Variants in MAPK6 observed in about 807,000 individuals in gnomAD.
The protein encoded by MAPK6 is ERK-3.
A neutral mutation model predicts 59.3 loss-of-function variants in MAPK6; 19 were observed. The ratio of observed to expected loss-of-function variants is 0.32; its 90% confidence interval spans 0.22 to 0.47. The LOEUF (loss-of-function observed/expected upper bound fraction) is 0.47, where lower values mean the gene tolerates loss of function less well. Among genes scored for constraint, MAPK6 ranks in the 20% least tolerant of loss-of-function variants. MAPK6 has a pLI of 1.00. For missense variants in MAPK6, 724 were observed against 847.9 expected (o/e 0.85, Z 1.81); for synonymous variants, 316 against 290.3 (o/e 1.09, Z -0.90).
chr15:51,971,992 CG>C (rs2057129799), intron 1 of MAPK6, among the ~76,000 whole-genome samples: 1 of 150,778 alleles, frequency 6.6e-6, no homozygotes, highest in Admixed American at 6.6e-5. Context: ...GTCCTGCGTT[CG>C]GTTGCGGGTG....
At chr15:52,016,781 C>T (rs1420767254), upstream of MAPK6, among the ~76,000 whole-genome samples, 5 of 152,188 alleles carry the variant, frequency 3.3e-5, no homozygotes, top group African/African-American at 1.2e-4. Context: ...TGTGGTGGCT[C>T]ATGCCTGTAA....
intron 1 of MAPK6, among the ~76,000 whole-genome samples, chr15:52,038,776 T>C (rs147552461): frequency 8.5e-5 from 13 of 152,292 alleles, no homozygotes; most frequent in African/African-American, 2.9e-4. Context: ...TCAAGCGTTA[T>C]TATAATTATT....
chr15:52,065,050 C>T lies in MAPK6; in HGVS notation c.*50C>T, dbSNP rs373807466. 37 of 1,494,654 alleles carry T rather than the reference C, an allele frequency of 2.5e-5. No individual in the cohort carries two copies. In the South Asian group the frequency reaches 5.1e-4, roughly 20 times the overall value. 92.6% of individuals were successfully genotyped at this position (1,494,654 alleles called of 1,614,324 possible). A position where few individuals can be genotyped will look rare whatever the true frequency, so the allele number is the denominator to read the frequency against. On this transcript the variant is annotated 3_prime_UTR_variant, in exon 6 of 6. Transcript: ENST00000261845. ...GTATTCTTCATGAAATGTGTTTTGT[C>T]TTTTTTTATTACTAGTGTTTAAGTC... is the stretch of plus-strand genomic sequence containing the variant.
At chr15:51,990,213 G>A (rs542754705) in intron 2 of MAPK6, among the ~76,000 whole-genome samples, 1 of 152,288 alleles carries the variant, frequency 6.6e-6, no homozygotes, top group African/African-American at 2.4e-5. Flanking sequence ...ATGATTTAGT[G>A]CAAAAGGTTG....
intron 3 of MAPK6, among the ~76,000 whole-genome samples, chr15:52,052,096 T>G (rs959636876): frequency 1.3e-5 from 2 of 152,212 alleles, no homozygotes; most frequent in Non-Finnish European, 2.9e-5. Flanking sequence ...CAACAAACAT[T>G]TATTAACGTT....
intron 2 of MAPK6, among the ~76,000 whole-genome samples, chr15:52,047,415 G>A (rs982137472): frequency 2.6e-5 from 4 of 151,968 alleles, no homozygotes; most frequent in Admixed American, 6.6e-5. Flanking sequence ...GCGCCATCTC[G>A]GCTCACTGCA....
At chr15:52,058,518 C>A in intron 3 of MAPK6, 115 bp from the exon 4 acceptor site, 1 of 803,416 alleles carries the variant, frequency 1.2e-6, no homozygotes, top group Non-Finnish European at 1.8e-6. Context: ...GCTGATGATA[C>A]AATTCAAACT....
At chr15:52,027,617 ATTTTTTT>A in intron 1 of MAPK6, 1 of 131,060 alleles carries the variant, frequency 7.6e-6, no homozygotes, top group African/African-American at 2.9e-5. Flanking sequence ...TTTAATCTTA[ATTTTTTT>A]TTTTTTTTTT....
intron 1 of MAPK6, among the ~76,000 whole-genome samples, chr15:52,021,214 G>C (rs1051960519): frequency 6.6e-6 from 1 of 152,126 alleles, no homozygotes; most frequent in African/African-American, 2.4e-5. Context: ...AAAGCATCGT[G>C]AGAATCATAA....
chr15:51,988,308 C>T (rs1234777063), intron 2 of MAPK6, among the ~76,000 whole-genome samples: 3 of 151,468 alleles, frequency 2.0e-5, no homozygotes, highest in Non-Finnish European at 4.4e-5. Context: ...AGTTTTAATA[C>T]ATATATAGGC....
chr15:51,995,426 T>C (rs2057221583), intron 2 of MAPK6, among the ~76,000 whole-genome samples: 1 of 152,188 alleles, frequency 6.6e-6, no homozygotes, highest in African/African-American at 2.4e-5. Context: ...GGACAAGAAG[T>C]CCTTCCATAA....
upstream of MAPK6, chr15:52,018,698 C>G (rs534220037): frequency 6.6e-6 from 1 of 152,668 alleles, no homozygotes; most frequent in Non-Finnish European, 1.5e-5. Flanking sequence ...ACCCTCCCCA[C>G]CTCCTGGTTA....
intron 1 of MAPK6, among the ~76,000 whole-genome samples, chr15:52,030,260 C>T (rs1031866824): frequency 5.3e-5 from 8 of 152,180 alleles, no homozygotes; most frequent in African/African-American, 1.9e-4. Flanking sequence ...AATTAGCTAA[C>T]ATGTTTGTTG....
At chr15:51,995,196 C>T (rs2057220984) in intron 2 of MAPK6, among the ~76,000 whole-genome samples, 1 of 152,164 alleles carries the variant, frequency 6.6e-6, no homozygotes, top group African/African-American at 2.4e-5. Flanking sequence ...GTAAGGAAGG[C>T]CCAGCAGCCT....
rs533887376 is a variant in MAPK6 at position 52,002,463 on chromosome 15, G to C, written c.-769-1802G>C. On this transcript the variant is annotated intron_variant, in intron 2 of 7. Coordinates refer to the MAPK6 transcript ENST00000691380. ...GACTGTGGTAGTTTGGGTTTTCCAG[G>C]AAGCAGATCCTGAGACGGACTTCAG... 6.6e-5 allele frequency among the ~76,000 whole-genome samples: 10 copies of C among 152,312 alleles called. No homozygotes were observed. In the South Asian group the frequency reaches 2.1e-3, roughly 32 times the overall value.
intron 1 of MAPK6, among the ~76,000 whole-genome samples, chr15:52,032,834 G>A (rs759516811): frequency 2.0e-5 from 3 of 152,140 alleles, no homozygotes; most frequent in Admixed American, 2.0e-4. Flanking sequence ...ACAGGCATGC[G>A]CCACCACACC....
chr15:51,978,564 T>A (rs1400604689), intron 1 of MAPK6, among the ~76,000 whole-genome samples: 1 of 151,744 alleles, frequency 6.6e-6, no homozygotes, highest in Non-Finnish European at 1.5e-5. Context: ...AAAGTTTAAA[T>A]AGGTTTAGAT....
rs150250447 is a variant in MAPK6 at position 52,063,939 on chromosome 15, G to A, written c.1105G>A (p.Val369Ile). 214 of 1,595,366 alleles carry A rather than the reference G, an allele frequency of 1.3e-4. No homozygotes were observed. The African/African-American group carries it at 2.8e-3, about 21-fold the overall frequency. ...DCQFSEHDWP[V>I]HNNFDIDEVQ... ...TCAGTTTTCAGAGCATGATTGGCCT[G>A]TACATAACAACTTTGATATTGATGA... Residue 369 changes from valine (V) to isoleucine (I), a missense_variant, in exon 6 of 6, where the codon GTA becomes ATA. By Grantham distance (29) the Val-to-Ile change is conservative. Transcript: ENST00000261845.
At chr15:52,061,730 G>T (rs566677215) in intron 5 of MAPK6, among the ~76,000 whole-genome samples, 1 of 152,190 alleles carries the variant, frequency 6.6e-6, no homozygotes, top group South Asian at 2.1e-4. Context: ...CCGAGATTAT[G>T]CCACTGCATT....
Sources: gnomAD v4.1 joint callset for allele counts (sites outside exome capture counted in the v4.1 genomes callset) on GRCh38, gnomAD v4.1.1 for gene constraint, MANE v1.5 for transcripts, NCBI Gene and HGNC (gene_info 2026-07-23, HGNC 2026-07-21) for gene names.